Variants in CAPZB observed in about 807,000 individuals in gnomAD.
CAPZB encodes capping actin protein of muscle Z-line subunit beta.
Under a neutral mutation model 38.1 loss-of-function variants are expected in CAPZB, and 2 were observed. The observed-to-expected ratio is 0.05, with a 90% CI of 0.02 to 0.17. The LOEUF is 0.17. Among genes scored for constraint, CAPZB ranks in the 10% least tolerant of loss-of-function variants. CAPZB has a pLI of 1.00. For missense variants in CAPZB, 161 were observed against 334.2 expected, an observed-to-expected ratio of 0.48 and a Z score of 4.04; for synonymous variants, 107 against 127.4, an observed-to-expected ratio of 0.84 and a Z score of 1.08.
At chr1:19,428,351 T>C (rs1219539782) in intron 1 of CAPZB, among the ~76,000 whole-genome samples, 2 of 151,256 alleles carry the variant, frequency 1.3e-5, no homozygotes, top group Non-Finnish European at 2.9e-5. Flanking sequence ...TGCAGTGAGC[T>C]GAGATCATGC....
intron 1 of CAPZB, among the ~76,000 whole-genome samples, chr1:19,421,876 G>T (rs1054864708): frequency 4.6e-5 from 7 of 152,022 alleles, no homozygotes; most frequent in Non-Finnish European, 7.4e-5. Flanking sequence ...TAATGATTGG[G>T]GATATTGAGT....
chr1:19,422,686 C>T (rs953145459), intron 1 of CAPZB, among the ~76,000 whole-genome samples: 1 of 151,896 alleles, frequency 6.6e-6, no homozygotes, highest in Admixed American at 6.6e-5. Context: ...GCAGTGAGCC[C>T]AGATCACTCC....
intron 1 of CAPZB, among the ~76,000 whole-genome samples, chr1:19,471,775 G>A (rs762075971): frequency 4.6e-5 from 7 of 151,928 alleles, no homozygotes; most frequent in Non-Finnish European, 7.4e-5. Flanking sequence ...GCTGAGACAG[G>A]AGAATGGCGT....
In CAPZB at chr1:19,369,781, C is replaced by G. The variant is rs554406426; in HGVS notation, c.329+8759G>C. On this transcript the variant is annotated intron_variant, in intron 4 of 8. Coordinates refer to ENST00000264202, the MANE Select transcript of CAPZB (RefSeq NM_004930.5). ...TGAAGGGGGATGTCCCCAACCAAAC[C>G]GTCCCTGCAGCTCCAGGATGTTCTT... is the stretch of plus-strand genomic sequence containing the variant. Among the ~76,000 whole-genome samples the G allele has an allele frequency of 2.0e-5, 3 of 152,348 alleles. No homozygotes were observed. The South Asian group carries it at 6.2e-4, about 32-fold the overall frequency.
At chr1:19,461,715 TAACTG>T (rs1186374076) in intron 1 of CAPZB, among the ~76,000 whole-genome samples, 3 of 152,234 alleles carry the variant, frequency 2.0e-5, no homozygotes, top group African/African-American at 7.2e-5. Flanking sequence ...CATAAATACT[TAACTG>T]AAGAAGAGTT....
chr1:19,482,898 C>G (rs2094634968), intron 1 of CAPZB, among the ~76,000 whole-genome samples: 1 of 152,160 alleles, frequency 6.6e-6, no homozygotes, highest in Admixed American at 6.5e-5. Flanking sequence ...ATAAACGTAA[C>G]AATAAGCAGT....
At chr1:19,381,141 C>A (rs1038813538) in intron 3 of CAPZB, among the ~76,000 whole-genome samples, 13 of 151,980 alleles carry the variant, frequency 8.6e-5, no homozygotes, top group African/African-American at 2.9e-4. Context: ...TGCACTCCAG[C>A]CTGGGTGACA....
At chr1:19,390,904 TCA>T (rs1371759170) in intron 2 of CAPZB, among the ~76,000 whole-genome samples, 3 of 152,126 alleles carry the variant, frequency 2.0e-5, no homozygotes, top group African/African-American at 7.2e-5. Context: ...CAATGGCTCT[TCA>T]CACAGACACG....
At chr1:19,473,960 G>GTCCA (rs942613980) in intron 1 of CAPZB, among the ~76,000 whole-genome samples, 14 of 152,110 alleles carry the variant, frequency 9.2e-5, no homozygotes, top group Non-Finnish European at 1.8e-4. Flanking sequence ...TGTATTAAAT[G>GTCCA]TCCACATGGG....
At chr1:19,429,571 G>A (rs779199596) in intron 1 of CAPZB, among the ~76,000 whole-genome samples, 11 of 152,164 alleles carry the variant, frequency 7.2e-5, no homozygotes, top group Non-Finnish European at 4.4e-5. Context: ...CTGGGAATGA[G>A]GTACCACGTC....
At chr1:19,375,310 A>G (rs2094139409) in intron 4 of CAPZB, among the ~76,000 whole-genome samples, 1 of 152,234 alleles carries the variant, frequency 6.6e-6, no homozygotes, top group African/African-American at 2.4e-5. Flanking sequence ...GCACACTCCG[A>G]TGGCACTGGG....
chr1:19,362,022 C>T (rs1359892059), intron 4 of CAPZB, among the ~76,000 whole-genome samples: 1 of 152,200 alleles, frequency 6.6e-6, no homozygotes, highest in Admixed American at 6.5e-5. Context: ...CCGCCCTGCC[C>T]TGGCCCCTGC....
At chr1:19,367,335 A>G (rs1170013883) in intron 4 of CAPZB, among the ~76,000 whole-genome samples, 1 of 152,224 alleles carries the variant, frequency 6.6e-6, no homozygotes, top group Non-Finnish European at 1.5e-5. Context: ...GCACTCAACA[A>G]GTGGTGGCTG....
chr1:19,354,799 T>C (rs1016562706), intron 6 of CAPZB, among the ~76,000 whole-genome samples: 3 of 152,188 alleles, frequency 2.0e-5, no homozygotes, highest in Non-Finnish European at 4.4e-5. Context: ...CAGGAAGCAG[T>C]CTCTGGATAC....
chr1:19,452,363 AG>A (rs1333395490), intron 1 of CAPZB, among the ~76,000 whole-genome samples: 1 of 152,218 alleles, frequency 6.6e-6, no homozygotes, highest in East Asian at 1.9e-4. Context: ...AGGGGAGCAA[AG>A]GAAGAGGCTG....
chr1:19,410,128 G>A (rs1161935634), intron 2 of CAPZB, among the ~76,000 whole-genome samples: 4 of 152,206 alleles, frequency 2.6e-5, no homozygotes, highest in South Asian at 2.1e-4. Flanking sequence ...ATTTGCTTCC[G>A]CCACTCAGCC....
chr1:19,474,859 A>C (rs10917455), intron 1 of CAPZB, among the ~76,000 whole-genome samples: 131,384 of 152,154 alleles, frequency 0.86, 59,082 homozygotes, highest in East Asian at 1. Context: ...GAAACAAAAA[A>C]ATTAAGTCTT....
At chr1:19,366,866 T>C (rs1423389333) in intron 4 of CAPZB, among the ~76,000 whole-genome samples, 1 of 152,186 alleles carries the variant, frequency 6.6e-6, no homozygotes, top group Non-Finnish European at 1.5e-5. Context: ...AATCCCCAGC[T>C]ATCAGCAGTA....
At chr1:19,471,675 T>C (rs367895882) in intron 1 of CAPZB, among the ~76,000 whole-genome samples, 2 of 151,984 alleles carry the variant, frequency 1.3e-5, no homozygotes, top group African/African-American at 2.4e-5. Context: ...CCATCCTGGC[T>C]AACACGGTGA....
Sources: gnomAD v4.1 joint callset for allele counts (sites outside exome capture counted in the v4.1 genomes callset) on GRCh38, gnomAD v4.1.1 for gene constraint, MANE v1.5 for transcripts, NCBI Gene and HGNC (gene_info 2026-07-23, HGNC 2026-07-21) for gene names.